FAM114A1: variants seen among roughly 807,000 people sequenced by gnomAD.
FAM114A1 encodes family with sequence similarity 114 member A1.
Under a neutral mutation model 64.3 loss-of-function variants are expected in FAM114A1, and 62 were observed. The observed-to-expected ratio is 0.96, with a 90% CI of 0.79 to 1.19. The LOEUF (loss-of-function observed/expected upper bound fraction) is 1.19, where lower values mean the gene tolerates loss of function less well. Among genes scored for constraint, FAM114A1 ranks in the 50% most tolerant of loss-of-function variants. The probability of loss-of-function intolerance (pLI) is 0.00; values close to 1 mark genes in which losing one functional copy is unlikely to be tolerated. For missense variants in FAM114A1, 645 were observed against 676.3 expected, an observed-to-expected ratio of 0.95 and a Z score of 0.51; for synonymous variants, 254 against 251.1, an observed-to-expected ratio of 1.01 and a Z score of -0.11.
intron 4 of FAM114A1, 33 bp from the exon 5 acceptor site, chr4:38,905,489 T>G (rs758847341): frequency 6.7e-7 from 1 of 1,482,872 alleles, no homozygotes; most frequent in African/African-American, 1.4e-5. Flanking sequence ...GGATTTCTAA[T>G]GTATCCATGA....
At chr4:38,936,399 G>GT (rs1303552573) in intron 13 of FAM114A1, among the ~76,000 whole-genome samples, 1 of 149,352 alleles carries the variant, frequency 6.7e-6, no homozygotes, top group Non-Finnish European at 1.5e-5. Flanking sequence ...TGGCCTGTTT[G>GT]TTTTTTTTAA....
At position 38,932,334 on chromosome 4, in the gene FAM114A1, G is replaced by A. The variant is rs1272416360; in HGVS notation, c.1423G>A (p.Glu475Lys). ...VAELILHGQE[E>K]EKPAQDQAKV... Reference sequence around the variant, plus strand: ...AGAATTAATTCTTCATGGACAAGAAGAGGAAAAACCAGCTCAGGACCAAGC... The same window carrying A: ...AGAATTAATTCTTCATGGACAAGAAAAGGAAAAACCAGCTCAGGACCAAGC... Residue 475 changes from glutamate (E) to lysine (K), a missense_variant, in exon 12 of 15, where the codon GAG (glutamate) becomes AAG (lysine). Physicochemically the swap from Glu to Lys is moderately conservative, Grantham distance 56. Transcript: ENST00000358869. 1 of 1,612,822 alleles carries A rather than the reference G, an allele frequency of 6.2e-7. No homozygotes were observed. The highest frequency in any genetic ancestry group is 1.1e-5 in the South Asian group (1 of 90,702).
intron 4 of FAM114A1, among the ~76,000 whole-genome samples, chr4:38,905,260 G>C (rs1035778428): frequency 1.3e-5 from 2 of 152,242 alleles, no homozygotes; most frequent in South Asian, 4.1e-4. Context: ...TTAGCCGGGC[G>C]TGGTGGTGTG....
chr4:38,922,411 G>A (rs1332870252), intron 8 of FAM114A1, among the ~76,000 whole-genome samples: 1 of 152,200 alleles, frequency 6.6e-6, no homozygotes, highest in Non-Finnish European at 1.5e-5. Flanking sequence ...TAGTAAGTGA[G>A]GAGCTGACAT....
At chr4:38,902,979 T>C (rs1717653102) in intron 4 of FAM114A1, among the ~76,000 whole-genome samples, 1 of 152,204 alleles carries the variant, frequency 6.6e-6, no homozygotes, top group Non-Finnish European at 1.5e-5. Flanking sequence ...TGAAAAATTA[T>C]AGCTCATACA....
At chr4:38,873,631 A>C (rs1466729633) in intron 2 of FAM114A1, among the ~76,000 whole-genome samples, 4 of 152,220 alleles carry the variant, frequency 2.6e-5, no homozygotes, top group Non-Finnish European at 5.9e-5. Flanking sequence ...TGGAGGAACA[A>C]AGAATGGAGG....
chr4:38,901,791 G>A (rs16994900), intron 4 of FAM114A1, among the ~76,000 whole-genome samples: 2,888 of 152,266 alleles, frequency 0.019, 93 homozygotes, highest in African/African-American at 0.065. Flanking sequence ...GCCCTACACA[G>A]TGTCTTGAGA....
intron 14 of FAM114A1, among the ~76,000 whole-genome samples, chr4:38,941,737 C>T (rs551725227): frequency 6.6e-6 from 1 of 152,282 alleles, no homozygotes; most frequent in African/African-American, 2.4e-5. Flanking sequence ...AAGTAACAGC[C>T]GCGGGGCACC....
At chr4:38,925,406 G>A (rs748882177) in intron 9 of FAM114A1, among the ~76,000 whole-genome samples, 1 of 152,182 alleles carries the variant, frequency 6.6e-6, no homozygotes, top group Non-Finnish European at 1.5e-5. Flanking sequence ...AAAAGCTGTC[G>A]TAAGGAATCT....
chr4:38,880,243 T>G (rs774477014), intron 3 of FAM114A1, among the ~76,000 whole-genome samples: 1 of 152,134 alleles, frequency 6.6e-6, no homozygotes, highest in Non-Finnish European at 1.5e-5. Context: ...ACATCAGCAA[T>G]TTTTAAAAGT....
chr4:38,890,912 G>A (rs1049545454), intron 3 of FAM114A1, among the ~76,000 whole-genome samples: 8 of 152,200 alleles, frequency 5.3e-5, no homozygotes, highest in Admixed American at 1.3e-4. Context: ...CAGAGGGACA[G>A]AAACCAGGGA....
chr4:38,941,512 C>T (rs1423579959), intron 14 of FAM114A1, among the ~76,000 whole-genome samples: 1 of 152,216 alleles, frequency 6.6e-6, no homozygotes. Context: ...ACTTCTCACT[C>T]TGTGGCCTGC....
At chr4:38,922,678 C>T in intron 8 of FAM114A1, 92 bp from the exon 9 acceptor site, 6 of 1,489,646 alleles carry the variant, frequency 4.0e-6, no homozygotes, top group Non-Finnish European at 5.4e-6. Context: ...CCATGAATCA[C>T]TTTTGTCCTG....
chr4:38,875,607 C>T (rs1714535733), intron 2 of FAM114A1, among the ~76,000 whole-genome samples: 1 of 152,152 alleles, frequency 6.6e-6, no homozygotes, highest in Non-Finnish European at 1.5e-5. Context: ...AGAATCATAT[C>T]ATCTGCAAAG....
At chr4:38,895,664 A>G (rs957750609) in intron 4 of FAM114A1, among the ~76,000 whole-genome samples, 7 of 152,176 alleles carry the variant, frequency 4.6e-5, no homozygotes, top group African/African-American at 1.4e-4. Flanking sequence ...TCACTTAACA[A>G]TGGGAATACC....
intron 9 of FAM114A1, among the ~76,000 whole-genome samples, chr4:38,927,844 C>T (rs749131744): frequency 9.2e-5 from 14 of 152,142 alleles, no homozygotes; most frequent in East Asian, 1.9e-4. Flanking sequence ...CCTCCGCGCC[C>T]GGTTAATTTT....
In FAM114A1 at chr4:38,929,329, A is replaced by G. The variant is rs376563547; in HGVS notation, c.1157A>G (p.Asn386Ser). ...LHVAATPDKLNKAMKRAHDWV... is the reference protein window; with the variant it reads ...LHVAATPDKLSKAMKRAHDWV... ...GTGGCGGCCACACCTGACAAACTCA[A>G]TAAGGTCAGCACTGTCTGATTTATA... Residue 386 changes from asparagine (N) to serine (S), a missense_variant, in exon 10 of 15, where the codon AAT becomes AGT. Asn to Ser is a conservative substitution (Grantham distance 46). Coordinates refer to ENST00000358869, the MANE Select transcript of FAM114A1 (RefSeq NM_138389.4). The G allele has an allele frequency of 1.2e-5, 20 of 1,611,184 alleles. No homozygotes were observed. The highest frequency in any genetic ancestry group is 1.6e-5 in the Non-Finnish European group (19 of 1,177,572).
Position 38,937,620 on chromosome 4 carries a change from C to A in FAM114A1, c.1536+1830C>A, listed in dbSNP as rs140192391. On this transcript the variant is annotated intron_variant, in intron 13 of 14. Coordinates refer to ENST00000358869, the MANE Select transcript of FAM114A1 (RefSeq NM_138389.4). Reference sequence around the variant, plus strand: ...CTTTTTGCAGGGTACACAATTCAAACCATACCAGGAAGCAATAGAAACACA... The same window carrying A: ...CTTTTTGCAGGGTACACAATTCAAAACATACCAGGAAGCAATAGAAACACA... 1.5e-3 allele frequency among the ~76,000 whole-genome samples: 230 copies of A among 152,242 alleles called. 1 individual carries two copies. Among genetic ancestry groups the A allele is most frequent in the Non-Finnish European group, 2.5e-3 (170 of 68,030 alleles).
In FAM114A1 at chr4:38,940,871, A is replaced by C. The variant is rs979058234; in HGVS notation, c.1537-97A>C. On this transcript the variant is annotated intron_variant, in intron 13 of 14. Coordinates refer to ENST00000358869, the MANE Select transcript of FAM114A1 (RefSeq NM_138389.4). ...TCTGCTTCCCCTCCTCTTCCTCTGC[A>C]AGAGATCCCTCAACAAAGCTAGTGT... 10 of 1,283,864 alleles carry C rather than the reference A, an allele frequency of 7.8e-6. No individual in the cohort carries two copies. In the African/African-American group the frequency reaches 1.5e-4, roughly 19 times the overall value. The allele number at this position is 1,283,864 out of a possible 1,614,324, so 79.5% of individuals were successfully genotyped here.
Sources: gnomAD v4.1 joint callset for allele counts (sites outside exome capture counted in the v4.1 genomes callset) on GRCh38, gnomAD v4.1.1 for gene constraint, MANE v1.5 for transcripts, NCBI Gene and HGNC (gene_info 2026-07-23, HGNC 2026-07-21) for gene names.